TRPM5: variants seen among roughly 807,000 people sequenced by gnomAD.
TRPM5 encodes the protein MLSN1 and TRP-related.
Under a neutral mutation model 124.9 loss-of-function variants are expected in TRPM5, and 121 were observed. The ratio of observed to expected loss-of-function variants is 0.97; its 90% confidence interval spans 0.84 to 1.13. The LOEUF is 1.13. Ranked by LOEUF, TRPM5 falls within the 50% of genes most tolerant of loss-of-function variation. TRPM5 has a pLI of 0.00. For synonymous variants in TRPM5, 781 were observed against 700.5 expected (o/e 1.11, Z -1.81); for missense variants, 1,643 against 1,589.1 (o/e 1.03, Z -0.58).
At chr11:2,413,154 C>A (rs138864808) in exon 14 of TRPM5, 2 of 1,553,388 alleles carry the variant, frequency 1.3e-6, no homozygotes, top group Non-Finnish European at 1.7e-6. Context: ...GGCCATACAG[C>A]GGGCTCTTCT....
At chr11:2,406,971 C>T in intron 20 of TRPM5, 148 bp downstream of exon 25, 3 of 1,300,016 alleles carry the variant, frequency 2.3e-6, no homozygotes, top group Non-Finnish European at 3.1e-6. Flanking sequence ...ACGGGCTCAG[C>T]TGTGCCAGCC....
exon 2 of TRPM5, chr11:2,422,259 C>A (rs1335143982): frequency 6.2e-7 from 1 of 1,612,462 alleles, no homozygotes. Context: ...CCGGCAGGTG[C>A]CACTCAGCAA....
exon 14 of TRPM5, chr11:2,413,167 G>C (rs150760655): frequency 1.3e-6 from 2 of 1,553,006 alleles, no homozygotes; most frequent in Non-Finnish European, 1.7e-6. Flanking sequence ...GCTCTTCTCC[G>C]TGTCCAGGCT....
chr11:2,406,152 C>G, intron 21 of TRPM5, 61 bp from the exon 27 acceptor site: 2 of 1,562,602 alleles, frequency 1.3e-6, no homozygotes, highest in Non-Finnish European at 1.7e-6. Flanking sequence ...GTGTGGGGAG[C>G]CTCCCCATCC....
chr11:2,415,967 A>C, exon 8 of TRPM5: 2 of 1,582,598 alleles, frequency 1.3e-6, no homozygotes, highest in Non-Finnish European at 8.6e-7. Context: ...GTCCCAGGCC[A>C]CGGCCAGCTT....
chr11:2,423,112 G>A, upstream of TRPM5: 3 of 1,264,460 alleles, frequency 2.4e-6, no homozygotes, highest in East Asian at 2.3e-5. Context: ...CTCCCCTCAG[G>A]GGGCTGGCTC....
At chr11:2,437,937 C>T in the TRPM5 span, among the ~76,000 whole-genome samples, 1,322 of 152,248 alleles carry the variant, frequency 8.7e-3, 31 homozygotes, top group African/African-American at 0.03. This position sits in a 1 kb window ranked among gnomAD's most constrained non-coding sequence, Gnocchi z 5.6. Flanking sequence ...TATAAAAATC[C>T]TCAACAAATA....
chr11:2,444,378 CCCCTCCTG>C, the TRPM5 span, among the ~76,000 whole-genome samples: 1 of 151,576 alleles, frequency 6.6e-6, no homozygotes, highest in Non-Finnish European at 1.5e-5. Context: ...CCCTACCCCG[CCCCTCCTG>C]CCCCCGCTGT....
chr11:2,421,277 C>A (rs1845769163), intron 2 of TRPM5, 79 bp from the exon 8 acceptor site: 3 of 1,446,428 alleles, frequency 2.1e-6, no homozygotes, highest in African/African-American at 1.5e-5. Flanking sequence ...AACCCCTAGG[C>A]CCAATCAGCA....
chr11:2,410,672 C>T (rs1237176016), intron 18 of TRPM5: 2 of 455,446 alleles, frequency 4.4e-6, no homozygotes, highest in Non-Finnish European at 8.8e-6. Flanking sequence ...GCCCCCTCCC[C>T]ACTGCACTGG....
intron 4 of TRPM5, 40 bp from the exon 10 acceptor site, chr11:2,418,631 C>T (rs1366694212): frequency 1.3e-6 from 2 of 1,582,782 alleles, no homozygotes; most frequent in Admixed American, 3.6e-5. Context: ...GACCCTCCGC[C>T]TGGGGTGACC....
At chr11:2,420,824 A>G (rs1048378390) in intron 3 of TRPM5, among the ~76,000 whole-genome samples, 2 of 152,146 alleles carry the variant, frequency 1.3e-5, no homozygotes, top group Admixed American at 6.5e-5. Flanking sequence ...CGTGTGGTAC[A>G]GGAGGGGGTG....
At chr11:2,408,205 A>G (rs1324726172) in intron 18 of TRPM5, among the ~76,000 whole-genome samples, 2 of 152,210 alleles carry the variant, frequency 1.3e-5, no homozygotes, top group Non-Finnish European at 2.9e-5. Context: ...CCCTGGAAGT[A>G]GAGCCAAGAC....
rs2133511292 is a variant in TRPM5, at chr11:2,411,776, T to C, written c.2475-9A>G. The C allele has an allele frequency of 6.2e-7, 1 of 1,611,938 alleles. No individual in the cohort carries two copies. The highest frequency in any genetic ancestry group is 8.5e-7 in the Non-Finnish European group (1 of 1,179,654). ...ACGCCGACGGCAGCATCCTGGAGGA[T>C]GGGAGGCTGATGCGGCTGCGGGGCC... is the stretch of plus-strand genomic sequence containing the variant. On this transcript the variant is annotated splice_polypyrimidine_tract_variant and intron_variant, in intron 16 of 23. Transcript: ENST00000155858.
At chr11:2,408,061 G>A in intron 18 of TRPM5, 149 bp from the exon 24 acceptor site, 1 of 1,083,778 alleles carries the variant, frequency 9.2e-7, no homozygotes, top group Non-Finnish European at 1.3e-6. Flanking sequence ...GTTCACCCAG[G>A]GCGGCCTGGG....
At chr11:2,420,805 G>C (rs764248923) in intron 3 of TRPM5, among the ~76,000 whole-genome samples, 1 of 152,198 alleles carries the variant, frequency 6.6e-6, no homozygotes, top group Non-Finnish European at 1.5e-5. Flanking sequence ...AGGGCTCGGG[G>C]CCTGGGCCCG....
At chr11:2,415,874 T>C (rs1194453809) in intron 8 of TRPM5, 32 bp downstream of exon 13, 11 of 1,477,252 alleles carry the variant, frequency 7.4e-6, no homozygotes, top group Non-Finnish European at 1.0e-5. Flanking sequence ...AGTGCCATGA[T>C]GGGGAGGTGG....
chr11:2,421,333 G>C, intron 2 of TRPM5, 135 bp from the exon 8 acceptor site: 1 of 1,141,876 alleles, frequency 8.8e-7, no homozygotes, highest in South Asian at 1.6e-5. Context: ...AATGCCTCAC[G>C]GTGGGGTGGG....
chr11:2,429,796 T>C, the TRPM5 span, among the ~76,000 whole-genome samples: 1 of 152,028 alleles, frequency 6.6e-6, no homozygotes. This position sits in a 1 kb window ranked among gnomAD's most constrained non-coding sequence, Gnocchi z 8.4. Flanking sequence ...CCCTTCCAAG[T>C]TGTAATCACC....
Sources: allele counts gnomAD v4.1 joint callset (sites outside exome capture counted in the v4.1 genomes callset), GRCh38; gene constraint gnomAD v4.1.1; non-coding constraint Gnocchi (gnomAD v3.1); transcripts MANE v1.5; gene names NCBI Gene and HGNC (gene_info 2026-07-23, HGNC 2026-07-21).